The following PDE12 variants were observed in gnomAD, a reference collection of about 807,000 sequenced individuals.
PDE12 encodes the protein phosphodiesterase 12.
A neutral mutation model predicts 45.4 loss-of-function variants in PDE12; 26 were observed. The observed-to-expected ratio is 0.57, with a 90% CI of 0.42 to 0.79. The LOEUF (loss-of-function observed/expected upper bound fraction) is 0.79. Ranked by LOEUF, PDE12 falls within the 30% of genes least tolerant of loss-of-function variation. The pLI is 0.00. For synonymous variants in PDE12, 283 were observed against 323.9 expected (o/e 0.87, Z 1.36); for missense variants, 668 against 790.0 (o/e 0.85, Z 1.85).
chr3:57,635,147 A>C, the PDE12 span, among the ~76,000 whole-genome samples: 4 of 152,232 alleles, frequency 2.6e-5, no homozygotes, highest in Admixed American at 1.3e-4. Context: ...TATAAATGGA[A>C]TAGAGAGCAA....
Position 57,564,512 on chromosome 3 carries a change from T to C in PDE12, c.*4508T>C, listed in dbSNP as rs375666894. ...ACTTTAATGATGTTATCATGAAGTA[T>C]TGATGTACTTTTTTTTTAGTGTATT... On this transcript the variant is annotated 3_prime_UTR_variant, in exon 3 of 3. Transcript: ENST00000311180. The C allele has an allele frequency of 4.0e-5, 5 of 125,808 alleles. No individual in the cohort carries two copies. Among genetic ancestry groups the C allele is most frequent in the Non-Finnish European group, 5.4e-5 (3 of 55,148 alleles). The allele number at this position is 125,808 out of a possible 1,614,324, so 7.8% of individuals were successfully genotyped here.
rs746108501 is a variant in PDE12 at position 57,557,415 on chromosome 3, G to A, written c.1036G>A (p.Val346Ile). Residue 346 changes from valine to isoleucine, a missense_variant, in exon 1 of 3, where the codon GTC becomes ATC. Transcript: ENST00000311180. Reference protein sequence around the residue: ...QKELTGYNADVICLQEVDRAV... With the variant: ...QKELTGYNADIICLQEVDRAV... ...GGAACTCACCGGCTACAACGCCGATGTCATCTGTTTGCAGGAGGTTGACCG... is the reference window on the plus strand; with the variant it reads ...GGAACTCACCGGCTACAACGCCGATATCATCTGTTTGCAGGAGGTTGACCG... The A allele has an allele frequency of 9.3e-6, 15 of 1,613,892 alleles. No homozygotes were observed. Among genetic ancestry groups the A allele is most frequent in the Non-Finnish European group, 1.3e-5 (15 of 1,180,042 alleles).
At chr3:57,649,433 GA>G in the PDE12 span, among the ~76,000 whole-genome samples, 1 of 151,180 alleles carries the variant, frequency 6.6e-6, no homozygotes, top group Non-Finnish European at 1.5e-5. Flanking sequence ...AACCACTATG[GA>G]AAACCGTACA....
the PDE12 span, among the ~76,000 whole-genome samples, chr3:57,595,018 G>A: frequency 6.6e-6 from 1 of 152,130 alleles, no homozygotes. Flanking sequence ...AGTGCAAAAC[G>A]ATAGCATGCC....
chr3:57,569,611 C>A (rs147798454), downstream of PDE12, among the ~76,000 whole-genome samples: 35 of 152,164 alleles, frequency 2.3e-4, no homozygotes, highest in East Asian at 5.0e-3. Flanking sequence ...CTGCCTCGGC[C>A]TCCCAAAGTG....
chr3:57,556,313 T>C lies in PDE12; in HGVS notation c.-67T>C. 1.4e-6 allele frequency: 2 copies of C among 1,463,958 alleles called. No homozygotes were observed. Among genetic ancestry groups the C allele is most frequent in the South Asian group, 1.3e-5 (1 of 74,766 alleles). 90.7% of individuals were successfully genotyped at this position (1,463,958 alleles called of 1,614,324 possible). On this transcript the variant is annotated 5_prime_UTR_variant, in exon 1 of 3. Transcript: ENST00000311180. This position sits in a 1 kb window ranked among gnomAD's most constrained non-coding sequence, Gnocchi z 5.0. ...AGTCAAAGCCGGCGGCCTCGGCTCC[T>C]CAGCTCCACCTGACAGTAGGCCGCT...
At chr3:57,596,092 G>A in the PDE12 span, among the ~76,000 whole-genome samples, 2 of 152,188 alleles carry the variant, frequency 1.3e-5, no homozygotes, top group Non-Finnish European at 2.9e-5. Flanking sequence ...GATGTAGACT[G>A]CTTACAGTAA....
the PDE12 span, among the ~76,000 whole-genome samples, chr3:57,610,917 C>T: frequency 5.3e-5 from 8 of 152,208 alleles, no homozygotes; most frequent in East Asian, 1.9e-4. Flanking sequence ...AAAAAGAGCC[C>T]GCATTGCCAA....
the PDE12 span, among the ~76,000 whole-genome samples, chr3:57,611,650 G>T: frequency 6.6e-6 from 1 of 152,144 alleles, no homozygotes; most frequent in Admixed American, 6.6e-5. Context: ...ATCATCACTG[G>T]CCATCAAAGA....
the PDE12 span, chr3:57,572,338 T>G: frequency 6.9e-7 from 1 of 1,458,792 alleles, no homozygotes; most frequent in Non-Finnish European, 9.6e-7. Flanking sequence ...TTAACAAAGT[T>G]AATATATAAC....
the PDE12 span, among the ~76,000 whole-genome samples, chr3:57,602,838 T>C: frequency 1.3e-5 from 2 of 151,984 alleles, no homozygotes; most frequent in Non-Finnish European, 2.9e-5. Context: ...CCCAGAGGGC[T>C]GAGATTACAG....
At position 57,560,095 on chromosome 3, in the gene PDE12, G is replaced by A. The variant is rs1412515745; in HGVS notation, c.*91G>A. On this transcript the variant is annotated 3_prime_UTR_variant, in exon 3 of 3. Coordinates refer to ENST00000311180, the MANE Select transcript of PDE12 (RefSeq NM_177966.7). ...ATCAAAGCTTATATGTAAACTTCAAGGAGGAATGGTAAAATGTTCAGCCCT... is the reference window on the plus strand; with the variant it reads ...ATCAAAGCTTATATGTAAACTTCAAAGAGGAATGGTAAAATGTTCAGCCCT... 1 of 1,489,794 alleles carries A rather than the reference G, an allele frequency of 6.7e-7. No homozygotes were observed. The highest frequency in any genetic ancestry group is 8.9e-7 in the Non-Finnish European group (1 of 1,128,554). 92.3% of individuals were successfully genotyped at this position (1,489,794 alleles called of 1,614,324 possible). A position where few individuals can be genotyped will look rare whatever the true frequency, so the allele number is the denominator to read the frequency against.
chr3:57,603,587 G>C, the PDE12 span, among the ~76,000 whole-genome samples: 1 of 150,690 alleles, frequency 6.6e-6, no homozygotes, highest in Non-Finnish European at 1.5e-5. Flanking sequence ...TCTGTGCTGG[G>C]ATTATAAGCA....
At chr3:57,633,201 G>A in the PDE12 span, 1 of 1,382,578 alleles carries the variant, frequency 7.2e-7, no homozygotes, top group Non-Finnish European at 1.0e-6. Flanking sequence ...TGGAGGGCGG[G>A]AAAAACATTT....
At chr3:57,594,128 C>T in the PDE12 span, among the ~76,000 whole-genome samples, 4 of 151,854 alleles carry the variant, frequency 2.6e-5, no homozygotes, top group South Asian at 6.2e-4. Flanking sequence ...TGGTGGCGGG[C>T]GCTTGTAATC....
the PDE12 span, among the ~76,000 whole-genome samples, chr3:57,618,446 AG>A: frequency 1.3e-5 from 2 of 152,090 alleles, no homozygotes; most frequent in South Asian, 4.2e-4. Flanking sequence ...TTTTTGAGAC[AG>A]GGTCTCACTC....
At chr3:57,590,906 T>C in the PDE12 span, among the ~76,000 whole-genome samples, 2,420 of 152,308 alleles carry the variant, frequency 0.016, 62 homozygotes, top group African/African-American at 0.055. Flanking sequence ...GGCTGCGTAA[T>C]AGTTTAAAAT....
the PDE12 span, chr3:57,646,256 C>T: frequency 6.5e-7 from 1 of 1,549,150 alleles, no homozygotes; most frequent in South Asian, 1.2e-5. Flanking sequence ...ATATCACCAA[C>T]AGGTTAAGTA....
chr3:57,648,135 T>C, the PDE12 span, among the ~76,000 whole-genome samples: 1 of 152,172 alleles, frequency 6.6e-6, no homozygotes, highest in Non-Finnish European at 1.5e-5. Flanking sequence ...AAAAACCTCC[T>C]AGAACTGGTA....
Sources: allele counts gnomAD v4.1 joint callset (sites outside exome capture counted in the v4.1 genomes callset), GRCh38; gene constraint gnomAD v4.1.1; non-coding constraint Gnocchi (gnomAD v3.1); transcripts MANE v1.5; gene names NCBI Gene and HGNC (gene_info 2026-07-23, HGNC 2026-07-21).